FAM20A: variants seen among roughly 807,000 people sequenced by gnomAD.
FAM20A encodes pseudokinase FAM20A.
In FAM20A, 42 loss-of-function variants were observed where a neutral mutation model predicts 52.0. The ratio of observed to expected loss-of-function variants is 0.81; its 90% confidence interval spans 0.63 to 1.04. The LOEUF is 1.04. Among genes scored for constraint, FAM20A ranks in the 50% least tolerant of loss-of-function variants. The pLI, the probability that FAM20A is intolerant of heterozygous loss-of-function variation, is 0.00. For missense variants in FAM20A, 742 were observed against 712.7 expected (o/e 1.04, Z -0.47); for synonymous variants, 304 against 298.9 (o/e 1.02, Z -0.18).
intron 1 of FAM20A, among the ~76,000 whole-genome samples, chr17:68,598,554 C>G (rs1361058592): frequency 6.6e-6 from 1 of 152,214 alleles, no homozygotes; most frequent in Non-Finnish European, 1.5e-5. Flanking sequence ...CCAGCCCCCA[C>G]TTGATCTTCT....
At chr17:68,565,986 C>T (rs1054653455) in intron 1 of FAM20A, among the ~76,000 whole-genome samples, 19 of 152,148 alleles carry the variant, frequency 1.2e-4, no homozygotes, top group Non-Finnish European at 2.6e-4. Flanking sequence ...CACCCATTGC[C>T]CTCCTACCTA....
In FAM20A at chr17:68,600,412, G is replaced by A. The variant is rs535761735; in HGVS notation, c.255C>T (p.His85=). 6.2e-7 allele frequency: 1 copy of A among 1,609,524 alleles called. No individual in the cohort carries two copies. Among genetic ancestry groups the A allele is most frequent in the Non-Finnish European group, 8.5e-7 (1 of 1,178,736 alleles). ...EPRTEPAGGS[H]SGSSSKLQAL... ...CCTGCAACTTGGAGCTCGACCCGCTGTGGCTGCCGCCAGCCGGTTCAGTCC... is the reference window on the plus strand; with the variant it reads ...CCTGCAACTTGGAGCTCGACCCGCTATGGCTGCCGCCAGCCGGTTCAGTCC... The change falls in exon 1 of 11, where the codon CAC becomes CAT. Residue 85 remains histidine, a synonymous_variant. Coordinates refer to ENST00000592554, the MANE Select transcript of FAM20A (RefSeq NM_017565.4). The surrounding 1 kb of genome is among the most constrained non-coding windows in gnomAD (Gnocchi z 6.2).
At chr17:68,575,376 A>G (rs2087697396) in intron 1 of FAM20A, among the ~76,000 whole-genome samples, 1 of 128,782 alleles carries the variant, frequency 7.8e-6, no homozygotes, top group South Asian at 2.3e-4. Context: ...GGTTCACTTT[A>G]CTTTACATAT....
chr17:68,563,320 G>A (rs555473757), intron 1 of FAM20A, among the ~76,000 whole-genome samples: 3 of 151,656 alleles, frequency 2.0e-5, no homozygotes, highest in South Asian at 2.1e-4. Flanking sequence ...CGGGAGGCGG[G>A]GGTTGTAGTG....
chr17:68,546,528 A>G (rs888087743), intron 4 of FAM20A, among the ~76,000 whole-genome samples: 1 of 152,032 alleles, frequency 6.6e-6, no homozygotes, highest in Non-Finnish European at 1.5e-5. Flanking sequence ...TATGAAATGT[A>G]TTTCTTAAAT....
Position 68,600,172 on chromosome 17 carries a change from TG to T in FAM20A, c.404+90del. The T allele has an allele frequency of 6.9e-7, 1 of 1,449,120 alleles. No individual in the cohort carries two copies. Among genetic ancestry groups the T allele is most frequent in the Non-Finnish European group, 9.2e-7 (1 of 1,081,472 alleles). 89.8% of individuals were successfully genotyped at this position (1,449,120 alleles called of 1,614,324 possible). Reference sequence around the variant, plus strand: ...GCCGTGGGTGGAGCCGCTGCAGCCCTGGGCCGGGGGCGTCAGGAAACTCGAG... The same window carrying T: ...GCCGTGGGTGGAGCCGCTGCAGCCCTGGCCGGGGGCGTCAGGAAACTCGAG... On this transcript the variant is annotated intron_variant, in intron 1 of 10. Coordinates refer to ENST00000592554, the MANE Select transcript of FAM20A (RefSeq NM_017565.4). The surrounding 1 kb of genome is among the most constrained non-coding windows in gnomAD (Gnocchi z 6.2).
intron 1 of FAM20A, among the ~76,000 whole-genome samples, chr17:68,565,899 T>G (rs2087365021): frequency 6.6e-6 from 1 of 152,236 alleles, no homozygotes; most frequent in African/African-American, 2.4e-5. Flanking sequence ...CAATAGGTCC[T>G]TGTTGTCCGT....
At chr17:68,548,723 A>ATTCTTTTTT (rs200833117) in intron 4 of FAM20A, among the ~76,000 whole-genome samples, 1 of 117,944 alleles carries the variant, frequency 8.5e-6, no homozygotes, top group Non-Finnish European at 1.7e-5. Context: ...CTATGCCTGT[A>ATTCTTTTTT]TATTTTTTTT....
intron 4 of FAM20A, among the ~76,000 whole-genome samples, chr17:68,545,521 T>C (rs1029456203): frequency 2.0e-5 from 3 of 152,234 alleles, no homozygotes; most frequent in African/African-American, 7.2e-5. Flanking sequence ...TAAAAAATGC[T>C]AACACTCTTC....
rs2086326838 is a variant in FAM20A, at chr17:68,542,151, A to G, written c.943T>C (p.Phe315Leu). The change falls in exon 7 of 11, where the codon TTC (phenylalanine) becomes CTC (leucine). Residue 315 changes from phenylalanine to leucine, a missense_variant. Phe to Leu is a conservative substitution (Grantham distance 22, BLOSUM62 0). Coordinates refer to ENST00000592554, the MANE Select transcript of FAM20A (RefSeq NM_017565.4). ...FFVSPASNVC[F>L]FAKCPYMCKT... ...CACATGTATGGACACTTGGCGAAGAAGCACACGTTGCTCGCTGGAGGATGG... is the reference window on the plus strand; with the variant it reads ...CACATGTATGGACACTTGGCGAAGAGGCACACGTTGCTCGCTGGAGGATGG... 1 of 1,614,052 alleles carries G rather than the reference A, an allele frequency of 6.2e-7. No homozygotes were observed. Among genetic ancestry groups the G allele is most frequent in the Non-Finnish European group, 8.5e-7 (1 of 1,180,026 alleles).
intron 8 of FAM20A, chr17:68,540,624 G>A (rs968993854): frequency 3.1e-6 from 2 of 641,706 alleles, no homozygotes; most frequent in Non-Finnish European, 5.7e-6. Context: ...AGGGTGAGAT[G>A]CCTGCCTTAT....
chr17:68,600,713 G>A lies in FAM20A; in HGVS notation c.-47C>T, dbSNP rs1294693401. ...GCCGGGGGCAGGCCGGCTGTCTCCG[G>A]GGTCCCGGGAGGGGTCGCGGGGTGC... On this transcript the variant is annotated 5_prime_UTR_variant, in exon 1 of 11. Transcript: ENST00000592554. The surrounding 1 kb of genome is among the most constrained non-coding windows in gnomAD (Gnocchi z 6.2). The A allele has an allele frequency of 1.3e-6, 2 of 1,522,646 alleles. No homozygotes were observed. Among genetic ancestry groups the A allele is most frequent in the South Asian group, 1.2e-5 (1 of 82,626 alleles). The allele number at this position is 1,522,646 out of a possible 1,614,324, so 94.3% of individuals were successfully genotyped here.
In FAM20A at chr17:68,575,460, TTA is replaced by T. The variant is rs1365859680; in HGVS notation, c.405-19719_405-19718del. On this transcript the variant is annotated intron_variant, in intron 1 of 10. Transcript: ENST00000592554. The stretch of plus-strand genomic sequence containing the variant: ...TTTTATATATTATATATTTTATATA[TTA>T]TATATAATATATTTTATATATTATA... Among the ~76,000 whole-genome samples, 104 of 122,284 alleles carry T rather than the reference TTA, an allele frequency of 8.5e-4. 2 individuals are homozygous for T. Among genetic ancestry groups the T allele is most frequent in the Non-Finnish European group, 6.4e-4 (40 of 62,020 alleles). The allele number at this position is 122,284 out of a possible 152,430, so 80.2% of individuals were successfully genotyped here.
chr17:68,548,637 G>A lies in FAM20A; in HGVS notation c.719+3236C>T, dbSNP rs184804146. ...ACACCGATAGACTTGCTTGATGCAG[G>A]GTTGCCACAAGCCTTCACTTTGTAA... is the stretch of plus-strand genomic sequence containing the variant. On this transcript the variant is annotated intron_variant, in intron 4 of 10. Coordinates refer to ENST00000592554, the MANE Select transcript of FAM20A (RefSeq NM_017565.4). Among the ~76,000 whole-genome samples, 702 of 152,038 alleles carry A rather than the reference G, an allele frequency of 4.6e-3. 2 individuals are homozygous for A. Among genetic ancestry groups the A allele is most frequent in the Non-Finnish European group, 7.0e-3 (478 of 67,980 alleles).
chr17:68,566,168 C>T (rs1331482902), intron 1 of FAM20A, among the ~76,000 whole-genome samples: 2 of 152,188 alleles, frequency 1.3e-5, no homozygotes, highest in Non-Finnish European at 2.9e-5. Flanking sequence ...AGCTTTCTTT[C>T]TCACTCCCCC....
intron 1 of FAM20A, among the ~76,000 whole-genome samples, chr17:68,593,035 T>C (rs576708070): frequency 6.6e-6 from 1 of 152,232 alleles, no homozygotes; most frequent in Non-Finnish European, 1.5e-5. Flanking sequence ...ATTTCAACTA[T>C]AGGATGTTCT....
rs1431776622 is a variant in FAM20A at position 68,536,220 on chromosome 17, T to C, written c.*1257A>G. On this transcript the variant is annotated 3_prime_UTR_variant, in exon 11 of 11. Coordinates refer to ENST00000592554, the MANE Select transcript of FAM20A (RefSeq NM_017565.4). ...CTGGTTCTTGACCTTGTACTCTCTT[T>C]AGTGACAGCTCCATTCTATTCTCAT... 2 of 454,054 alleles carry C rather than the reference T, an allele frequency of 4.4e-6. No homozygotes were observed. Among genetic ancestry groups the C allele is most frequent in the Non-Finnish European group, 8.8e-6 (2 of 226,812 alleles). 28.1% of individuals were successfully genotyped at this position (454,054 alleles called of 1,614,324 possible). A position where few individuals can be genotyped will look rare whatever the true frequency, so the allele number is the denominator to read the frequency against.
At chr17:68,567,092 T>TA (rs1418972828) in intron 1 of FAM20A, among the ~76,000 whole-genome samples, 2 of 151,946 alleles carry the variant, frequency 1.3e-5, no homozygotes, top group Non-Finnish European at 2.9e-5. Flanking sequence ...AAAGGACTCA[T>TA]AAATTTTTTC....
At position 68,600,673 on chromosome 17, in the gene FAM20A, C is replaced by T; in HGVS notation, c.-7G>A. The T allele has an allele frequency of 1.9e-6, 3 of 1,539,664 alleles. No homozygotes were observed. Among genetic ancestry groups the T allele is most frequent in the Non-Finnish European group, 2.6e-6 (3 of 1,149,470 alleles). On this transcript the variant is annotated 5_prime_UTR_variant, in exon 1 of 11. Coordinates refer to ENST00000592554, the MANE Select transcript of FAM20A (RefSeq NM_017565.4). The surrounding 1 kb of genome is among the most constrained non-coding windows in gnomAD (Gnocchi z 6.2). ...CCCGGCGCAGCCCCGGCATGGCGTGCTGGCCAAGGGGGACGCCGGGGGCAG... is the reference window on the plus strand; with the variant it reads ...CCCGGCGCAGCCCCGGCATGGCGTGTTGGCCAAGGGGGACGCCGGGGGCAG...
Sources: gnomAD v4.1 joint callset for allele counts (sites outside exome capture counted in the v4.1 genomes callset) on GRCh38, gnomAD v4.1.1 for gene constraint, Gnocchi (gnomAD v3.1) non-coding constraint, MANE v1.5 for transcripts, NCBI Gene and HGNC (gene_info 2026-07-23, HGNC 2026-07-21) for gene names.